SPAG16: variants seen among roughly 807,000 people sequenced by gnomAD.
SPAG16 encodes the protein sperm associated antigen 16.
In SPAG16, 86 loss-of-function variants were observed where a neutral mutation model predicts 80.4. That is an observed-to-expected ratio of 1.07 (90% CI 0.90 to 1.28). The LOEUF (loss-of-function observed/expected upper bound fraction) is 1.28, where lower values mean the gene tolerates loss of function less well. Ranked by LOEUF, SPAG16 falls within the 50% of genes most tolerant of loss-of-function variation. The probability of loss-of-function intolerance (pLI) is 0.00; values close to 1 mark genes in which losing one functional copy is unlikely to be tolerated. For missense variants in SPAG16, 870 were observed against 765.3 expected, an observed-to-expected ratio of 1.14 and a Z score of -1.61; for synonymous variants, 294 against 265.9, an observed-to-expected ratio of 1.11 and a Z score of -1.03.
Position 213,350,661 on chromosome 2 carries a change from A to G in SPAG16, c.762+16A>G, listed in dbSNP as rs1258594235. 2 of 1,371,694 alleles carry G rather than the reference A, an allele frequency of 1.5e-6. No individual in the cohort carries two copies. Among genetic ancestry groups the G allele is most frequent in the African/African-American group, 1.5e-5 (1 of 67,866 alleles). 85.0% of individuals were successfully genotyped at this position (1,371,694 alleles called of 1,614,324 possible). A position where few individuals can be genotyped will look rare whatever the true frequency, so the allele number is the denominator to read the frequency against. ...AGTTGGGCAGGTAAAGATATAGTCA[A>G]AGCTAACTTAAAATGATCTTTTAAT... On this transcript the variant is annotated intron_variant, in intron 7 of 15. Transcript: ENST00000331683.
intron 12 of SPAG16, among the ~76,000 whole-genome samples, chr2:213,986,891 C>CAA (rs369965944): frequency 0.067 from 3,841 of 57,604 alleles, 352 homozygotes; most frequent in African/African-American, 0.086. Context: ...TCTGGTATAG[C>CAA]AAAAAAAAAA....
At chr2:213,370,129 T>C (rs1213256445) in intron 8 of SPAG16, among the ~76,000 whole-genome samples, 1 of 152,208 alleles carries the variant, frequency 6.6e-6, no homozygotes, top group Non-Finnish European at 1.5e-5. Flanking sequence ...CCTAAGGGAC[T>C]ATGCACAAGG....
chr2:213,289,373 T>TAGA (rs1369544326), intron 1 of SPAG16, among the ~76,000 whole-genome samples: 1 of 152,198 alleles, frequency 6.6e-6, no homozygotes, highest in Admixed American at 6.5e-5. Context: ...GTTATGAAGG[T>TAGA]AGAAGATATG....
chr2:214,386,417 G>C (rs1312174755), intron 15 of SPAG16, among the ~76,000 whole-genome samples: 2 of 151,930 alleles, frequency 1.3e-5, no homozygotes, highest in East Asian at 3.9e-4. Context: ...AAAGAAAAAA[G>C]CAAAGACAAA....
intron 5 of SPAG16, 102 bp downstream of exon 5, chr2:213,317,458 A>G: frequency 7.3e-7 from 1 of 1,364,230 alleles, no homozygotes; most frequent in Non-Finnish European, 9.5e-7. Context: ...TTAATTTTTG[A>G]AAACTGAATT....
chr2:214,191,713 CAA>C (rs71037350), intron 15 of SPAG16, among the ~76,000 whole-genome samples: 7 of 68,798 alleles, frequency 1.0e-4, no homozygotes, highest in Admixed American at 1.6e-4. Flanking sequence ...GACTCTGTCT[CAA>C]AAAAAAAAAA....
intron 10 of SPAG16, among the ~76,000 whole-genome samples, chr2:213,772,319 C>T (rs114445384): frequency 0.03 from 4,491 of 152,014 alleles, 79 homozygotes; most frequent in East Asian, 0.072. Context: ...CTCAACATGC[C>T]AGATCTTGAC....
At chr2:213,507,731 G>A (rs751101788) in intron 10 of SPAG16, among the ~76,000 whole-genome samples, 1 of 152,122 alleles carries the variant, frequency 6.6e-6, no homozygotes, top group Non-Finnish European at 1.5e-5. Flanking sequence ...CTTGAGATGG[G>A]GCTAATTTGT....
chr2:213,960,954 C>T (rs548310847), intron 12 of SPAG16, among the ~76,000 whole-genome samples: 13 of 152,246 alleles, frequency 8.5e-5, no homozygotes, highest in African/African-American at 2.4e-4. Flanking sequence ...TTGGGGAATA[C>T]GCTTCTTTTT....
At chr2:213,687,171 T>C (rs1296634646) in intron 10 of SPAG16, among the ~76,000 whole-genome samples, 2 of 152,172 alleles carry the variant, frequency 1.3e-5, no homozygotes, top group African/African-American at 4.8e-5. Flanking sequence ...TCTTCACATA[T>C]AGTATGAGGA....
chr2:213,322,112 A>C (rs1195080315), intron 5 of SPAG16, among the ~76,000 whole-genome samples: 1 of 151,104 alleles, frequency 6.6e-6, no homozygotes, highest in Non-Finnish European at 1.5e-5. Flanking sequence ...AAGTAAAAAA[A>C]AAAGATTATA....
intron 10 of SPAG16, among the ~76,000 whole-genome samples, chr2:213,699,312 A>G (rs2065302432): frequency 6.6e-6 from 1 of 151,596 alleles, no homozygotes; most frequent in Non-Finnish European, 1.5e-5. Flanking sequence ...AGTCCAGACC[A>G]CTCTTTGCAG....
At position 213,284,480 on chromosome 2, in the gene SPAG16, A is replaced by G. The variant is rs532383568; in HGVS notation, c.-4A>G. 7 of 1,563,770 alleles carry G rather than the reference A, an allele frequency of 4.5e-6. No homozygotes were observed. The highest frequency in any genetic ancestry group is 1.4e-5 in the African/African-American group (1 of 73,938). The stretch of plus-strand genomic sequence containing the variant: ...GCTGGGGGTGGGGGCCCGAAGCGCC[A>G]GAGATGGCTGCTCAGCGAGGGATGC... On this transcript the variant is annotated 5_prime_UTR_variant, in exon 1 of 16. Coordinates refer to ENST00000331683, the MANE Select transcript of SPAG16 (RefSeq NM_024532.5).
intron 12 of SPAG16, among the ~76,000 whole-genome samples, chr2:213,945,916 A>G (rs890859545): frequency 6.6e-6 from 1 of 152,174 alleles, no homozygotes; most frequent in African/African-American, 2.4e-5. Flanking sequence ...TGCGAACAAT[A>G]CACCTTCTTT....
chr2:214,117,128 G>C (rs2053970329), intron 14 of SPAG16, among the ~76,000 whole-genome samples: 1 of 152,072 alleles, frequency 6.6e-6, no homozygotes, highest in Non-Finnish European at 1.5e-5. Context: ...AGAAACAATT[G>C]AGAAATTTAT....
chr2:213,618,736 A>G (rs1336420389), intron 10 of SPAG16, among the ~76,000 whole-genome samples: 2 of 151,538 alleles, frequency 1.3e-5, no homozygotes, highest in Non-Finnish European at 2.9e-5. Flanking sequence ...CATGCACAGA[A>G]TTTAAAAAAA....
intron 9 of SPAG16, among the ~76,000 whole-genome samples, chr2:213,434,171 C>T (rs1011712579): frequency 5.3e-5 from 8 of 151,994 alleles, no homozygotes; most frequent in Admixed American, 2.0e-4. Flanking sequence ...CCACCTGCCT[C>T]GGCCTCCCAA....
intron 9 of SPAG16, among the ~76,000 whole-genome samples, chr2:213,469,220 A>G (rs2072928832): frequency 6.6e-6 from 1 of 152,222 alleles, no homozygotes; most frequent in East Asian, 1.9e-4. Flanking sequence ...AAAGACAACA[A>G]TAAGGTAATA....
Position 214,409,365 on chromosome 2 carries a change from C to T in SPAG16, c.1721-775C>T, listed in dbSNP as rs1402958485. ...AAACATATCCTATTGTTTTACTTAA[C>T]TCCAAGTCCCATGATAGTTTGTTAC... is the stretch of plus-strand genomic sequence containing the variant. On this transcript the variant is annotated intron_variant, in intron 15 of 15. Transcript: ENST00000331683. Among the ~76,000 whole-genome samples the T allele has an allele frequency of 3.3e-5, 5 of 152,076 alleles. No homozygotes were observed. In the East Asian group the frequency reaches 9.6e-4, roughly 29 times the overall value.
Sources: gnomAD v4.1 joint callset for allele counts (sites outside exome capture counted in the v4.1 genomes callset) on GRCh38, gnomAD v4.1.1 for gene constraint, MANE v1.5 for transcripts, NCBI Gene and HGNC (gene_info 2026-07-23, HGNC 2026-07-21) for gene names.